Variants in ZGRF1 observed in about 807,000 individuals in gnomAD.
ZGRF1 encodes 5'-3' DNA helicase ZGRF1.
ZGRF1 carries 196 observed loss-of-function variants against 203.5 expected under a neutral mutation model. The ratio of observed to expected loss-of-function variants is 0.96; its 90% CI spans 0.86 to 1.08. The LOEUF (loss-of-function observed/expected upper bound fraction) is 1.08. Among genes scored for constraint, ZGRF1 ranks in the 50% least tolerant of loss-of-function variants. The probability of loss-of-function intolerance (pLI) is 0.00; values close to 1 mark genes in which losing one functional copy is unlikely to be tolerated. For missense variants in ZGRF1, 2,326 were observed against 2,416.3 expected (o/e 0.96, Z 0.78); for synonymous variants, 809 against 841.3 (o/e 0.96, Z 0.66).
intron 11 of ZGRF1, among the ~76,000 whole-genome samples, chr4:112,588,888 T>C (rs1038933962): frequency 6.6e-5 from 10 of 152,190 alleles, no homozygotes; most frequent in African/African-American, 2.4e-4. Context: ...TAAAAGTCCA[T>C]TAAAGTAAAA....
At chr4:112,625,579 C>A (rs1287669920) in intron 3 of ZGRF1, among the ~76,000 whole-genome samples, 4 of 124,678 alleles carry the variant, frequency 3.2e-5, no homozygotes, top group Admixed American at 8.8e-5. Flanking sequence ...GAGCGAGATT[C>A]CGTCTCAAAA....
intron 1 of ZGRF1, among the ~76,000 whole-genome samples, chr4:112,634,581 G>A (rs1031675540): frequency 1.3e-5 from 2 of 151,970 alleles, no homozygotes; most frequent in Admixed American, 6.5e-5. Flanking sequence ...AACCCAGGAG[G>A]CAGAGGCTGC....
chr4:112,607,802 A>T (rs905984338), intron 8 of ZGRF1: 1 of 152,284 alleles, frequency 6.6e-6, no homozygotes, highest in Non-Finnish European at 1.5e-5. Flanking sequence ...TTATCCAGCC[A>T]TCGTACTGTG....
At chr4:112,583,239 T>G (rs1203645571) in intron 15 of ZGRF1, among the ~76,000 whole-genome samples, 1 of 152,174 alleles carries the variant, frequency 6.6e-6, no homozygotes. Flanking sequence ...ATTATATTTA[T>G]TTTGAATAAT....
intron 24 of ZGRF1, among the ~76,000 whole-genome samples, chr4:112,544,998 G>T (rs1236177240): frequency 6.6e-6 from 1 of 151,978 alleles, no homozygotes; most frequent in Non-Finnish European, 1.5e-5. Flanking sequence ...ACTCAAAATG[G>T]ATCAAAGACC....
chr4:112,606,525 G>A (rs1255477195), intron 8 of ZGRF1, among the ~76,000 whole-genome samples: 4 of 152,210 alleles, frequency 2.6e-5, no homozygotes, highest in East Asian at 1.9e-4. Context: ...GCCTGGCGTG[G>A]TGGCACATGC....
In ZGRF1 at chr4:112,585,595, G is replaced by A. The variant is rs765213212; in HGVS notation, c.4047C>T (p.Cys1349=). ...LKNAENNVPS[C]HHSQPAKLVM... ...CAAGTTTTGCAGGTTGACTATGATG[G>A]CAGGATGGTACATTATTTTCTGCGT... Residue 1349 remains cysteine (C), a synonymous_variant, in exon 14 of 28, where the codon TGC becomes TGT. Coordinates refer to ENST00000505019, the MANE Select transcript of ZGRF1 (RefSeq NM_018392.5). The A allele has an allele frequency of 6.2e-7, 1 of 1,611,632 alleles. No individual in the cohort carries two copies. Among genetic ancestry groups the A allele is most frequent in the South Asian group, 1.1e-5 (1 of 90,722 alleles).
intron 7 of ZGRF1, among the ~76,000 whole-genome samples, chr4:112,610,272 A>G (rs1751386695): frequency 6.6e-6 from 1 of 152,238 alleles, no homozygotes; most frequent in Non-Finnish European, 1.5e-5. Context: ...TAAAATTTTT[A>G]TATTTGAAAA....
chr4:112,540,919 C>T lies in ZGRF1; in HGVS notation c.5812G>A (p.Ala1938Thr), dbSNP rs926402426. ...RDNSFHNVAE[A>T]TFTLKLIQSL... ...TGAATCAGCTTGAGTGTAAACGTAG[C>T]TTCTGCCACATTATGAAAGCTGTTA... Residue 1938 changes from alanine to threonine, a missense_variant, in exon 26 of 28, where the codon GCT (alanine) becomes ACT (threonine). Physicochemically the swap from Ala to Thr is moderately conservative, Grantham distance 58 (BLOSUM62 0). Coordinates refer to ENST00000505019, the MANE Select transcript of ZGRF1 (RefSeq NM_018392.5). The T allele has an allele frequency of 6.3e-7, 1 of 1,578,058 alleles. No homozygotes were observed. The highest frequency in any genetic ancestry group is 1.3e-5 in the African/African-American group (1 of 74,298).
Position 112,587,489 on chromosome 4 carries a change from C to G in ZGRF1, c.3568G>C (p.Asp1190His), listed in dbSNP as rs559211971. 6.2e-7 allele frequency: 1 copy of G among 1,613,888 alleles called. No individual in the cohort carries two copies. The highest frequency in any genetic ancestry group is 1.3e-5 in the African/African-American group (1 of 75,052). The change falls in exon 12 of 28, where the codon GAT becomes CAT. Residue 1190 changes from aspartate (D) to histidine (H), a missense_variant. Coordinates refer to ENST00000505019, the MANE Select transcript of ZGRF1 (RefSeq NM_018392.5). ...HFRDTSERQSDAVNESSLDSV... is the reference protein window; with the variant it reads ...HFRDTSERQSHAVNESSLDSV... Reference sequence around the variant, plus strand: ...TCTAAAGAGCTTTCATTGACAGCATCACTCTGTCTTTCACTTGTGTCTCTA... The same window carrying G: ...TCTAAAGAGCTTTCATTGACAGCATGACTCTGTCTTTCACTTGTGTCTCTA...
intron 19 of ZGRF1, 86 bp downstream of exon 19, chr4:112,560,647 G>T: frequency 8.5e-7 from 1 of 1,172,722 alleles, no homozygotes; most frequent in Non-Finnish European, 1.2e-6. Context: ...AACCTCATTT[G>T]ACTAGGAAAT....
chr4:112,593,280 A>G (rs1483205585), intron 10 of ZGRF1, among the ~76,000 whole-genome samples: 1 of 151,960 alleles, frequency 6.6e-6, no homozygotes, highest in Non-Finnish European at 1.5e-5. Context: ...CCATGATTCT[A>G]CCTCCAAGAT....
chr4:112,541,064 G>T, intron 25 of ZGRF1, 28 bp downstream of exon 25: 1 of 1,556,314 alleles, frequency 6.4e-7, no homozygotes, highest in South Asian at 1.2e-5. Flanking sequence ...AAACCATGTT[G>T]ACTCTCATCA....
intron 24 of ZGRF1, among the ~76,000 whole-genome samples, chr4:112,543,454 G>A (rs772262489): frequency 4.6e-5 from 7 of 152,074 alleles, no homozygotes; most frequent in Non-Finnish European, 7.3e-5. Flanking sequence ...TATGGATCAA[G>A]CTCATTCATA....
intron 20 of ZGRF1, among the ~76,000 whole-genome samples, chr4:112,557,016 A>T (rs1741064107): frequency 6.6e-6 from 1 of 152,164 alleles, no homozygotes; most frequent in Non-Finnish European, 1.5e-5. Flanking sequence ...TTATCTTAAA[A>T]ACAGATTGTC....
At position 112,603,717 on chromosome 4, in the gene ZGRF1, A is replaced by G; in HGVS notation, c.2803-20T>C. ...AACAGGCTACAGGTAAATTATTAAA[A>G]ATAAGAACTGCATAACTATATGTTG... On this transcript the variant is annotated intron_variant, in intron 9 of 27. Coordinates refer to ENST00000505019, the MANE Select transcript of ZGRF1 (RefSeq NM_018392.5). 1 of 1,590,548 alleles carries G rather than the reference A, an allele frequency of 6.3e-7. No homozygotes were observed. Among genetic ancestry groups the G allele is most frequent in the Non-Finnish European group, 8.6e-7 (1 of 1,161,072 alleles).
chr4:112,579,205 T>G lies in ZGRF1; in HGVS notation c.4438+2458A>C, dbSNP rs557937313. Among the ~76,000 whole-genome samples, 297 of 123,112 alleles carry G rather than the reference T, an allele frequency of 2.4e-3. 65 individuals are homozygous for G. The highest frequency in any genetic ancestry group is 8.2e-3 in the African/African-American group (291 of 35,534). The allele number at this position is 123,112 out of a possible 152,430, so 80.8% of individuals were successfully genotyped here. A position where few individuals can be genotyped will look rare whatever the true frequency, so the allele number is the denominator to read the frequency against. ...ATCTCAATAGATGCAGAAAAGGCCT[T>G]TGACAAAATTCAACAACCGTTCATG... On this transcript the variant is annotated intron_variant, in intron 16 of 27. Coordinates refer to ENST00000505019, the MANE Select transcript of ZGRF1 (RefSeq NM_018392.5).
rs1218853832 is a variant in ZGRF1 at position 112,618,284 on chromosome 4, AC to A, written c.1757del (p.Gly586ValfsTer7). ...CAGATGTTAAGAATGGCAAATGTTC[AC>A]CCTCAATCTCTTCACAGTTTGTATT... ...SENTNCEEIE[G>X]EHLPFLTSVS... On this transcript the variant is annotated frameshift_variant, in exon 6 of 28. Transcript: ENST00000505019. LOFTEE classifies it high-confidence loss of function. 6.2e-7 allele frequency: 1 copy of A among 1,613,894 alleles called. No homozygotes were observed. Among genetic ancestry groups the A allele is most frequent in the Admixed American group, 1.7e-5 (1 of 59,998 alleles).
intron 26 of ZGRF1, 144 bp from the exon 27 acceptor site, chr4:112,540,268 TC>T (rs1737308259): frequency 2.0e-6 from 1 of 498,622 alleles, no homozygotes; most frequent in Admixed American, 4.0e-5. Flanking sequence ...TTGGCTAGTT[TC>T]TAAAATGATA....
Sources: allele counts gnomAD v4.1 joint callset (sites outside exome capture counted in the v4.1 genomes callset), GRCh38; gene constraint gnomAD v4.1.1; transcripts MANE v1.5; gene names NCBI Gene and HGNC (gene_info 2026-07-23, HGNC 2026-07-21).